GLI2: variants seen among roughly 807,000 people sequenced by gnomAD.
GLI2 encodes the protein GLI family zinc finger 2.
A neutral mutation model predicts 78.9 loss-of-function variants in GLI2; 22 were observed. The observed-to-expected ratio is 0.28, with a 90% confidence interval of 0.20 to 0.40. GLI2 has a LOEUF of 0.40. GLI2 is among the 10% of genes least tolerant of loss of function. The pLI is 1.00. For synonymous variants in GLI2, 974 were observed against 963.7 expected (o/e 1.01, Z -0.20); for missense variants, 2,097 against 2,213.2 (o/e 0.95, Z 1.05).
At chr2:120,839,007 C>T (rs1427976355) in intron 2 of GLI2, among the ~76,000 whole-genome samples, 1 of 152,298 alleles carries the variant, frequency 6.6e-6, no homozygotes, top group Admixed American at 6.5e-5. Flanking sequence ...GGTTGAGGAA[C>T]CTGCATCTGG....
intron 2 of GLI2, among the ~76,000 whole-genome samples, chr2:120,859,579 G>A (rs1232015770): frequency 1.3e-5 from 2 of 150,912 alleles, no homozygotes; most frequent in Admixed American, 6.6e-5. Flanking sequence ...TTCAGCCTCC[G>A]GAGTAGCTGG....
rs565021122 is a variant in GLI2, at chr2:120,818,575, C to T, written c.148+21107C>T. ...GGAAGGAAGCAAGAGTGCGTCTCTC[C>T]CTGCCCCTCCTCCCCAAACCCCACT... On this transcript the variant is annotated intron_variant, in intron 2 of 13. Transcript: ENST00000361492. Among the ~76,000 whole-genome samples the T allele has an allele frequency of 3.9e-5, 6 of 152,282 alleles. No homozygotes were observed. In the East Asian group the frequency reaches 1.2e-3, roughly 29 times the overall value.
chr2:120,918,057 A>T (rs980611134), intron 2 of GLI2, among the ~76,000 whole-genome samples: 1 of 152,224 alleles, frequency 6.6e-6, no homozygotes, highest in African/African-American at 2.4e-5. Flanking sequence ...TCTGTCAAGC[A>T]GTGAGTTTGC....
chr2:120,874,392 G>C (rs1688622558), intron 2 of GLI2, among the ~76,000 whole-genome samples: 1 of 152,262 alleles, frequency 6.6e-6, no homozygotes, highest in Non-Finnish European at 1.5e-5. Context: ...AGGATGGTGA[G>C]GGTTTGGAGA....
At chr2:120,973,878 T>G (rs1682318563) in intron 8 of GLI2, among the ~76,000 whole-genome samples, 1 of 152,156 alleles carries the variant, frequency 6.6e-6, no homozygotes, top group Non-Finnish European at 1.5e-5. Flanking sequence ...CAGGGCGTCC[T>G]GAGGCTAATT....
intron 2 of GLI2, among the ~76,000 whole-genome samples, chr2:120,816,843 C>G (rs1158387409): frequency 2.6e-5 from 4 of 152,150 alleles, no homozygotes; most frequent in African/African-American, 9.7e-5. Flanking sequence ...ATTTTAAAAG[C>G]CTTTTCGCCT....
chr2:120,859,697 C>T (rs943039274), intron 2 of GLI2, among the ~76,000 whole-genome samples: 2 of 151,942 alleles, frequency 1.3e-5, no homozygotes, highest in South Asian at 2.1e-4. Context: ...TCAGGTGATC[C>T]GCCCGCCTTG....
chr2:120,825,839 G>A (rs1686030527), intron 2 of GLI2, among the ~76,000 whole-genome samples: 1 of 152,248 alleles, frequency 6.6e-6, no homozygotes, highest in South Asian at 2.1e-4. Flanking sequence ...CCAAGGCCAG[G>A]AGATGTTTGG....
intron 1 of GLI2, among the ~76,000 whole-genome samples, chr2:120,759,479 C>T (rs757223210): frequency 9.9e-5 from 15 of 152,248 alleles, no homozygotes; most frequent in East Asian, 1.9e-4. Flanking sequence ...TCACAGAACT[C>T]GGGAAATACT....
chr2:120,982,613 ACGGG>A, intron 10 of GLI2, 99 bp from the exon 11 acceptor site: 1 of 896,358 alleles, frequency 1.1e-6, no homozygotes, highest in Non-Finnish European at 1.8e-6. Flanking sequence ...GAGTGCGCTG[ACGGG>A]TTGGAGCAGA....
chr2:120,850,114 C>T (rs151278327), intron 2 of GLI2, among the ~76,000 whole-genome samples: 208 of 151,902 alleles, frequency 1.4e-3, no homozygotes, highest in African/African-American at 4.8e-3. Context: ...AGAAAACAGA[C>T]GGGAGAAGGT....
chr2:120,847,308 C>G (rs1469142318), intron 2 of GLI2, among the ~76,000 whole-genome samples: 1 of 151,904 alleles, frequency 6.6e-6, no homozygotes, highest in East Asian at 1.9e-4. Flanking sequence ...TATAATCCAG[C>G]CCAGAAGCCT....
chr2:120,924,293 G>C (rs71424364), intron 2 of GLI2, among the ~76,000 whole-genome samples: 4 of 152,192 alleles, frequency 2.6e-5, no homozygotes, highest in African/African-American at 9.7e-5. Flanking sequence ...AGGTGGGGAC[G>C]TGGTGGGTCG....
chr2:120,765,627 C>T (rs749105918), intron 1 of GLI2, among the ~76,000 whole-genome samples: 5 of 152,254 alleles, frequency 3.3e-5, no homozygotes, highest in Non-Finnish European at 7.3e-5. Context: ...CCCTGCCTGC[C>T]AGTGACACCT....
Position 120,946,323 on chromosome 2 carries a change from A to T in GLI2, c.255-4920A>T, listed in dbSNP as rs147169615. 3.2e-3 allele frequency among the ~76,000 whole-genome samples: 494 copies of T among 152,258 alleles called. 2 individuals are homozygous for T. Among genetic ancestry groups the T allele is most frequent in the African/African-American group, 0.011 (466 of 41,548 alleles). ...CTCAGACGAGCTCTGAGCTGGACTGAGGGGAGAAGGCAATGCATAGGGGCA... is the reference window on the plus strand; with the variant it reads ...CTCAGACGAGCTCTGAGCTGGACTGTGGGGAGAAGGCAATGCATAGGGGCA... On this transcript the variant is annotated intron_variant, in intron 3 of 13. Coordinates refer to ENST00000361492, the MANE Select transcript of GLI2 (RefSeq NM_001374353.1).
At chr2:120,813,091 A>C (rs1432160657) in intron 2 of GLI2, among the ~76,000 whole-genome samples, 1 of 152,198 alleles carries the variant, frequency 6.6e-6, no homozygotes, top group Non-Finnish European at 1.5e-5. Flanking sequence ...ACAGGATGTA[A>C]AGTGTTGGCG....
chr2:120,811,238 A>T (rs11692945), intron 2 of GLI2, among the ~76,000 whole-genome samples: 40,048 of 151,942 alleles, frequency 0.26, 5,857 homozygotes, highest in East Asian at 0.44. Context: ...AGGCCTGGGC[A>T]CCTGTAGACA....
intron 1 of GLI2, among the ~76,000 whole-genome samples, chr2:120,761,199 G>C (rs1173217280): frequency 6.6e-6 from 1 of 152,236 alleles, no homozygotes; most frequent in Non-Finnish European, 1.5e-5. Flanking sequence ...CTGCATTCAG[G>C]CTAGAATCTG....
At position 120,737,488 on chromosome 2, in the gene GLI2, G is replaced by A. The variant is rs1241966317; in HGVS notation, c.-31+1203G>A. ...GTGGCTCCTAGAGTTGATCCCAGCT[G>A]GAAAAGTAGACCTGTCCCTACTGTC... On this transcript the variant is annotated intron_variant, in intron 1 of 13. Coordinates refer to ENST00000361492, the MANE Select transcript of GLI2 (RefSeq NM_001374353.1). This position sits in a 1 kb window ranked among gnomAD's most constrained non-coding sequence, Gnocchi z 4.3. Among the ~76,000 whole-genome samples the A allele has an allele frequency of 4.6e-5, 7 of 152,162 alleles. No individual in the cohort carries two copies. Among genetic ancestry groups the A allele is most frequent in the Non-Finnish European group, 8.8e-5 (6 of 68,024 alleles).
Sources: gnomAD v4.1 joint callset for allele counts (sites outside exome capture counted in the v4.1 genomes callset) on GRCh38, gnomAD v4.1.1 for gene constraint, Gnocchi (gnomAD v3.1) non-coding constraint, MANE v1.5 for transcripts, NCBI Gene and HGNC (gene_info 2026-07-23, HGNC 2026-07-21) for gene names.